The following LVRN variants were observed in gnomAD, a reference collection of about 807,000 sequenced individuals.
LVRN encodes laeverin.
In LVRN, 99 loss-of-function variants were observed where a neutral mutation model predicts 111.4. The observed-to-expected ratio is 0.89, with a 90% CI of 0.76 to 1.05. LVRN has a LOEUF of 1.05. Among genes scored for constraint, LVRN ranks in the 50% least tolerant of loss-of-function variants. The pLI is 0.00. For missense variants in LVRN, 1,414 were observed against 1,206.8 expected, an observed-to-expected ratio of 1.17 and a Z score of -2.54; for synonymous variants, 488 against 449.5, an observed-to-expected ratio of 1.09 and a Z score of -1.08.
chr5:116,001,610 G>C (rs919518073), intron 10 of LVRN, among the ~76,000 whole-genome samples: 1 of 152,232 alleles, frequency 6.6e-6, no homozygotes, highest in Non-Finnish European at 1.5e-5. Context: ...TCTTACTGCA[G>C]AGTGGTCTTC....
intron 18 of LVRN, chr5:116,021,532 G>A: frequency 4.2e-6 from 1 of 238,106 alleles, no homozygotes; most frequent in Non-Finnish European, 8.3e-6. Flanking sequence ...AAAAACAGCA[G>A]CACTATTTTC....
rs761891547 is a variant in LVRN at position 116,022,374 on chromosome 5, A to G, written c.2757-17A>G. The G allele has an allele frequency of 6.4e-7, 1 of 1,554,880 alleles. No individual in the cohort carries two copies. Among genetic ancestry groups the G allele is most frequent in the Non-Finnish European group, 8.8e-7 (1 of 1,132,182 alleles). On this transcript the variant is annotated splice_polypyrimidine_tract_variant and intron_variant, in intron 18 of 19. Coordinates refer to ENST00000357872, the MANE Select transcript of LVRN (RefSeq NM_173800.5). ...AAAATGCTTTCCACCCTTGATTAAC[A>G]TCTTATTGCCTTGTAGGTATGGAAC...
Position 116,011,507 on chromosome 5 carries a change from G to A in LVRN, c.2247+613G>A, listed in dbSNP as rs113551385. Among the ~76,000 whole-genome samples the A allele has an allele frequency of 6.0e-3, 916 of 152,168 alleles. 6 individuals carry two copies. The highest frequency in any genetic ancestry group is 0.01 in the Middle Eastern group (3 of 294). On this transcript the variant is annotated intron_variant, in intron 14 of 19. Coordinates refer to ENST00000357872, the MANE Select transcript of LVRN (RefSeq NM_173800.5). Reference sequence around the variant, plus strand: ...AAAAAATAGCAAAGGTAAAATCAAAGCGAAAGTTAGGTAGCCCTCTTTGGG... The same window carrying A: ...AAAAAATAGCAAAGGTAAAATCAAAACGAAAGTTAGGTAGCCCTCTTTGGG...
At chr5:116,000,010 AT>A in intron 7 of LVRN, 108 bp downstream of exon 7, 1 of 1,265,418 alleles carries the variant, frequency 7.9e-7, no homozygotes, top group Non-Finnish European at 1.1e-6. Context: ...TTTTATGAAA[AT>A]AACCTTATTT....
At chr5:115,963,349 C>A (rs766921346) in intron 1 of LVRN, 37 bp downstream of exon 1, 20 of 1,493,654 alleles carry the variant, frequency 1.3e-5, no homozygotes, top group Non-Finnish European at 1.7e-5. Context: ...TCTCGGCCCC[C>A]GCCCCTGCGT....
At chr5:115,968,205 C>T (rs1463487822) in intron 1 of LVRN, among the ~76,000 whole-genome samples, 4 of 152,042 alleles carry the variant, frequency 2.6e-5, no homozygotes, top group African/African-American at 9.7e-5. Flanking sequence ...TACAACTGAG[C>T]ATAATATTAA....
In LVRN at chr5:115,963,876, C is replaced by T. The variant is rs116458271; in HGVS notation, c.695+564C>T. ...GCCCCTTTTTAGGTCGCTGGTACCC[C>T]TGAAGCTTATCGTTCTCTTCAGAAA... is the stretch of plus-strand genomic sequence containing the variant. On this transcript the variant is annotated intron_variant, in intron 1 of 19. Coordinates refer to ENST00000357872, the MANE Select transcript of LVRN (RefSeq NM_173800.5). Among the ~76,000 whole-genome samples, 1,232 of 152,302 alleles carry T rather than the reference C, an allele frequency of 8.1e-3. 18 individuals are homozygous for T. The highest frequency in any genetic ancestry group is 0.028 in the African/African-American group (1,178 of 41,562).
chr5:116,016,376 A>G (rs993603538), intron 18 of LVRN, among the ~76,000 whole-genome samples: 18 of 152,242 alleles, frequency 1.2e-4, no homozygotes, highest in African/African-American at 3.9e-4. Context: ...ACTAGTCCTC[A>G]TGTAATGATG....
chr5:115,980,008 C>T (rs1753528993), intron 1 of LVRN, among the ~76,000 whole-genome samples: 2 of 152,072 alleles, frequency 1.3e-5, no homozygotes, highest in Non-Finnish European at 2.9e-5. Flanking sequence ...GATCCACTTC[C>T]AGCACAAGAA....
rs758046988 is a variant in LVRN, at chr5:116,010,888, A to C, written c.2241A>C (p.Leu747Phe). 1 of 1,559,394 alleles carries C rather than the reference A, an allele frequency of 6.4e-7. No homozygotes were observed. Among genetic ancestry groups the C allele is most frequent in the Admixed American group, 2.1e-5 (1 of 48,698 alleles). Residue 747 changes from leucine to phenylalanine, a missense_variant, in exon 14 of 20, where the codon TTA becomes TTC. Coordinates refer to ENST00000357872, the MANE Select transcript of LVRN (RefSeq NM_173800.5). ...TGAACATCTATGATATATACTCATT[A>C]TTAAAGGTAATTTCATTCTTTCTTA... The part of the protein sequence containing the change: ...SEVNIYDIYS[L>F]LKRYLLKRLN...
At chr5:115,991,019 A>G (rs1747973921) in intron 4 of LVRN, among the ~76,000 whole-genome samples, 1 of 152,120 alleles carries the variant, frequency 6.6e-6, no homozygotes, top group Non-Finnish European at 1.5e-5. Context: ...TTGGTGTGGT[A>G]CACTTGTTAC....
chr5:116,000,358 G>A, intron 7 of LVRN, 75 bp from the exon 8 acceptor site: 1 of 1,554,578 alleles, frequency 6.4e-7, no homozygotes, highest in Non-Finnish European at 8.9e-7. Flanking sequence ...TCAGAATATT[G>A]CTTATAAATA....
chr5:116,026,399 T>C lies in LVRN; in HGVS notation c.*281T>C, dbSNP rs1748867815. ...CTTTAAATGTCACGTAAAAACAAAT[T>C]CACCTAAGATAGTCTTGCTTATTTT... On this transcript the variant is annotated 3_prime_UTR_variant, in exon 20 of 20. Transcript: ENST00000357872. The C allele has an allele frequency of 1.2e-5, 5 of 408,640 alleles. No homozygotes were observed. The highest frequency in any genetic ancestry group is 1.2e-4 in the South Asian group (5 of 42,646). 25.3% of individuals were successfully genotyped at this position (408,640 alleles called of 1,614,324 possible). A position where few individuals can be genotyped will look rare whatever the true frequency, so the allele number is the denominator to read the frequency against.
chr5:115,995,780 G>C (rs1298240382), intron 6 of LVRN, among the ~76,000 whole-genome samples: 1 of 152,164 alleles, frequency 6.6e-6, no homozygotes, highest in African/African-American at 2.4e-5. Flanking sequence ...TACATGTGAG[G>C]AAACTGAGGT....
rs79210045 is a variant in LVRN at position 116,000,334 on chromosome 5, A to G, written c.1516-99A>G. The G allele has an allele frequency of 7.8e-3, 11,654 of 1,493,716 alleles. 703 individuals carry two copies. In the Admixed American group the frequency reaches 0.12, roughly 15 times the overall value. 92.5% of individuals were successfully genotyped at this position (1,493,716 alleles called of 1,614,324 possible). The stretch of plus-strand genomic sequence containing the variant: ...ACATTCAACTAAAATGCAAAATGCA[A>G]TCAGGAGCACAGCTCAGAATATTGC... On this transcript the variant is annotated intron_variant, in intron 7 of 19. Transcript: ENST00000357872.
chr5:116,008,605 TAA>T (rs57696893), intron 13 of LVRN, among the ~76,000 whole-genome samples: 25 of 148,532 alleles, frequency 1.7e-4, no homozygotes, highest in Middle Eastern at 7.1e-3. Context: ...CATGAATGAT[TAA>T]AAAAAAAAAA....
chr5:115,963,009 T>A lies in LVRN; in HGVS notation c.392T>A (p.Val131Glu), dbSNP rs1320293031. The A allele has an allele frequency of 1.2e-6, 2 of 1,613,516 alleles. No homozygotes were observed. Among genetic ancestry groups the A allele is most frequent in the Admixed American group, 1.7e-5 (1 of 60,012 alleles). ...GGGTCTTTGCCCTTCACTGGCCGCG[T>A]GAACATCACGGTGCGCTGCACGGTG... Reference protein sequence around the residue: ...PAGSLPFTGRVNITVRCTVAT... With the variant: ...PAGSLPFTGRENITVRCTVAT... Residue 131 changes from valine (V) to glutamate (E), a missense_variant, in exon 1 of 20, where the codon GTG becomes GAG. Transcript: ENST00000357872.
chr5:115,995,894 C>T (rs1411542927), intron 6 of LVRN, among the ~76,000 whole-genome samples: 1 of 152,178 alleles, frequency 6.6e-6, no homozygotes, highest in Non-Finnish European at 1.5e-5. Context: ...CTTTTAACCA[C>T]TGTGCTCTAT....
chr5:115,993,595 G>T, intron 5 of LVRN, 146 bp from the exon 6 acceptor site: 1 of 576,026 alleles, frequency 1.7e-6, no homozygotes. Flanking sequence ...TGCTTTTTTG[G>T]TGTCCTGTCT....
Sources: gnomAD v4.1 joint callset for allele counts (sites outside exome capture counted in the v4.1 genomes callset) on GRCh38, gnomAD v4.1.1 for gene constraint, MANE v1.5 for transcripts, NCBI Gene and HGNC (gene_info 2026-07-23, HGNC 2026-07-21) for gene names.